Variants in MAML2 observed in about 807,000 individuals in gnomAD.
MAML2 encodes the protein mastermind-like protein 2.
MAML2 carries 22 observed loss-of-function variants against 96.1 expected under a neutral mutation model. That is an observed-to-expected ratio of 0.23 (90% CI 0.16 to 0.33). The LOEUF is 0.33. Among genes scored for constraint, MAML2 ranks in the 10% least tolerant of loss-of-function variants. The probability of loss-of-function intolerance (pLI) is 1.00; values close to 1 mark genes in which losing one functional copy is unlikely to be tolerated. For synonymous variants in MAML2, 561 were observed against 521.3 expected (o/e 1.08, Z -1.04); for missense variants, 1,367 against 1,392.4 (o/e 0.98, Z 0.29).
intron 2 of MAML2, among the ~76,000 whole-genome samples, chr11:96,011,319 A>G (rs1326750497): frequency 6.6e-6 from 1 of 152,196 alleles, no homozygotes; most frequent in African/African-American, 2.4e-5. Flanking sequence ...GGAACCAACC[A>G]AGGTATCTAC....
At chr11:96,049,879 C>G (rs1250485999) in intron 2 of MAML2, among the ~76,000 whole-genome samples, 1 of 152,054 alleles carries the variant, frequency 6.6e-6, no homozygotes, top group African/African-American at 2.4e-5. Context: ...CAAAAATTTC[C>G]CTAATTACTT....
intron 2 of MAML2, among the ~76,000 whole-genome samples, chr11:96,038,525 G>A (rs933119200): frequency 6.6e-6 from 1 of 152,234 alleles, no homozygotes; most frequent in Admixed American, 6.5e-5. Context: ...CTCATCCAAA[G>A]CAATGTGCTA....
At chr11:96,177,176 AC>A (rs1861400058) in intron 1 of MAML2, among the ~76,000 whole-genome samples, 1 of 152,130 alleles carries the variant, frequency 6.6e-6, no homozygotes, top group South Asian at 2.1e-4. Flanking sequence ...AAGTGAAGTC[AC>A]CCCCAAACTG....
At chr11:96,210,828 T>C (rs1861960997) in intron 1 of MAML2, among the ~76,000 whole-genome samples, 1 of 152,222 alleles carries the variant, frequency 6.6e-6, no homozygotes, top group Non-Finnish European at 1.5e-5. Context: ...AAAACCAATA[T>C]ATAGATATAT....
chr11:96,315,414 T>C (rs961663554), intron 1 of MAML2, among the ~76,000 whole-genome samples: 4 of 152,242 alleles, frequency 2.6e-5, no homozygotes, highest in African/African-American at 9.6e-5. Flanking sequence ...AGCTACTACC[T>C]CTTGGGCTGA....
intron 1 of MAML2, among the ~76,000 whole-genome samples, chr11:96,203,130 T>C (rs1861849548): frequency 6.6e-6 from 1 of 152,256 alleles, no homozygotes; most frequent in Non-Finnish European, 1.5e-5. Context: ...TATATTCATT[T>C]AATCAACAAA....
chr11:96,230,853 CGGT>C (rs2135954872), intron 1 of MAML2, among the ~76,000 whole-genome samples: 2 of 152,328 alleles, frequency 1.3e-5, no homozygotes, highest in South Asian at 4.1e-4. Context: ...ACCCAAATAG[CGGT>C]GTTGTAAGAG....
At chr11:96,323,023 A>C in intron 1 of MAML2, among the ~76,000 whole-genome samples, 1 of 152,082 alleles carries the variant, frequency 6.6e-6, no homozygotes. Flanking sequence ...ATGCCATCGC[A>C]CAAAGTTGTG....
At chr11:96,069,491 T>A (rs570864790) in intron 2 of MAML2, among the ~76,000 whole-genome samples, 1 of 151,426 alleles carries the variant, frequency 6.6e-6, no homozygotes, top group African/African-American at 2.4e-5. Context: ...CTGGGCAACA[T>A]GGTAAAACCC....
chr11:96,158,072 G>A (rs1210918542), intron 1 of MAML2, among the ~76,000 whole-genome samples: 2 of 152,088 alleles, frequency 1.3e-5, no homozygotes, highest in Non-Finnish European at 1.5e-5. Context: ...CATATTTCCT[G>A]TTCTCAAGGT....
chr11:96,051,015 T>A (rs1858981562), intron 2 of MAML2, among the ~76,000 whole-genome samples: 1 of 151,800 alleles, frequency 6.6e-6, no homozygotes, highest in Admixed American at 6.6e-5. Context: ...TAGCTGAGCC[T>A]AAGAAATCCC....
At chr11:96,328,466 T>C (rs538714208) in intron 1 of MAML2, among the ~76,000 whole-genome samples, 13 of 152,162 alleles carry the variant, frequency 8.5e-5, no homozygotes, top group Admixed American at 8.5e-4. Context: ...TTTATGCTAG[T>C]TACATCTTGC....
chr11:96,110,902 T>A (rs1033661329), intron 1 of MAML2, among the ~76,000 whole-genome samples: 5 of 152,236 alleles, frequency 3.3e-5, no homozygotes, highest in Non-Finnish European at 7.3e-5. Flanking sequence ...AATCGCTTGT[T>A]AAATTAAGGT....
At chr11:96,305,097 T>A (rs888518280) in intron 1 of MAML2, among the ~76,000 whole-genome samples, 6 of 152,214 alleles carry the variant, frequency 3.9e-5, no homozygotes, top group Non-Finnish European at 8.8e-5. Context: ...TAATCCATTT[T>A]TCAGTAACTT....
In MAML2 at chr11:96,259,186, T is replaced by C. The variant is rs190739251; in HGVS notation, c.513+82197A>G. 4.6e-5 allele frequency among the ~76,000 whole-genome samples: 7 copies of C among 152,374 alleles called. No homozygotes were observed. The East Asian group carries it at 9.6e-4, about 21-fold the overall frequency. On this transcript the variant is annotated intron_variant, in intron 1 of 4. Transcript: ENST00000524717. ...ATGGCTTATCTGCATGTCTTTTCAA[T>C]TTTCTAAGTGAAGGCCAGCCCCCTT...
At chr11:96,187,748 C>T (rs796282422) in intron 1 of MAML2, among the ~76,000 whole-genome samples, 33 of 150,308 alleles carry the variant, frequency 2.2e-4, no homozygotes, top group African/African-American at 7.1e-4. Context: ...GAGCCGAGAT[C>T]GTGCCACTGC....
chr11:96,123,811 C>T (rs999048568), intron 1 of MAML2, among the ~76,000 whole-genome samples: 6 of 152,082 alleles, frequency 3.9e-5, no homozygotes, highest in South Asian at 2.1e-4. Flanking sequence ...TGGTGGCTCA[C>T]GCCTGTAATC....
chr11:96,271,776 C>T (rs1248659125), intron 1 of MAML2, among the ~76,000 whole-genome samples: 1 of 152,160 alleles, frequency 6.6e-6, no homozygotes, highest in Admixed American at 6.5e-5. Flanking sequence ...AGCATGAAAA[C>T]AGACTAATAC....
intron 2 of MAML2, among the ~76,000 whole-genome samples, chr11:96,027,056 C>G (rs892387061): frequency 6.6e-6 from 1 of 152,118 alleles, no homozygotes; most frequent in Non-Finnish European, 1.5e-5. Context: ...ACAGGAAGTA[C>G]AGGATACTGG....
Sources: allele counts gnomAD v4.1 joint callset (sites outside exome capture counted in the v4.1 genomes callset), GRCh38; gene constraint gnomAD v4.1.1; transcripts MANE v1.5; gene names NCBI Gene and HGNC (gene_info 2026-07-23, HGNC 2026-07-21).